RUSC1: variants seen among roughly 807,000 people sequenced by gnomAD.
RUSC1 encodes AP-4 complex accessory subunit RUSC1.
RUSC1 carries 40 observed loss-of-function variants against 72.1 expected under a neutral mutation model. The observed-to-expected ratio is 0.55, with a 90% CI of 0.43 to 0.72. The LOEUF (loss-of-function observed/expected upper bound fraction) is 0.72, where lower values mean the gene tolerates loss of function less well. Among genes scored for constraint, RUSC1 ranks in the 30% least tolerant of loss-of-function variants. The probability of loss-of-function intolerance (pLI) is 0.00; values close to 1 mark genes in which losing one functional copy is unlikely to be tolerated. For synonymous variants in RUSC1, 512 were observed against 494.2 expected, an observed-to-expected ratio of 1.04 and a Z score of -0.48; for missense variants, 1,092 against 1,172.3, an observed-to-expected ratio of 0.93 and a Z score of 1.00.
chr1:155,324,732 G>C lies in RUSC1; in HGVS notation c.1358-113G>C, dbSNP rs996263053. On this transcript the variant is annotated intron_variant, in intron 2 of 9. Coordinates refer to ENST00000368352, the MANE Select transcript of RUSC1 (RefSeq NM_001105203.2). Reference sequence around the variant, plus strand: ...GCGGTCCTGCGCCTCCTCTCCCCAAGACCCTTCGGGGACACAGCACTGCAG... The same window carrying C: ...GCGGTCCTGCGCCTCCTCTCCCCAACACCCTTCGGGGACACAGCACTGCAG... The C allele has an allele frequency of 5.0e-6, 8 of 1,585,672 alleles. No homozygotes were observed. In the Admixed American group the frequency reaches 5.1e-5, roughly 10 times the overall value.
chr1:155,330,186 A>G (rs1445772002), intron 9 of RUSC1, among the ~76,000 whole-genome samples: 1 of 152,104 alleles, frequency 6.6e-6, no homozygotes, highest in African/African-American at 2.4e-5. Context: ...AGAAGTGCAA[A>G]TAGTGTCAAA....
chr1:155,321,641 G>T, intron 1 of RUSC1, 47 bp from the exon 2 acceptor site: 1 of 1,325,346 alleles, frequency 7.5e-7, no homozygotes, highest in African/African-American at 1.5e-5. Flanking sequence ...GTCCTTCCCC[G>T]CAGCTCTTGT....
chr1:155,323,631 C>G (rs959514072), intron 2 of RUSC1: 1 of 152,794 alleles, frequency 6.5e-6, no homozygotes, highest in African/African-American at 2.4e-5. Flanking sequence ...CTCGGGGAGC[C>G]TTGCCCTGCC....
Position 155,321,899 on chromosome 1 carries a change from T to A in RUSC1, c.126T>A (p.Pro42=). The change falls in exon 2 of 10, where the codon CCT becomes CCA. Residue 42 remains proline, a synonymous_variant. Coordinates refer to ENST00000368352, the MANE Select transcript of RUSC1 (RefSeq NM_001105203.2). The stretch of plus-strand genomic sequence containing the variant: ...AGGGGCCTTTGAGCACACCCCCTCC[T>A]CCAGGAGACACTGGGGGCAAGGAGA... The part of the protein sequence containing the change: ...LQEGPLSTPP[P]PGDTGGKESR... The A allele has an allele frequency of 6.2e-7, 1 of 1,611,562 alleles. No homozygotes were observed. The highest frequency in any genetic ancestry group is 8.5e-7 in the Non-Finnish European group (1 of 1,179,086).
In RUSC1 at chr1:155,321,762, G is replaced by A. The variant is rs1650556795; in HGVS notation, c.-12G>A. On this transcript the variant is annotated 5_prime_UTR_variant, in exon 2 of 10. Transcript: ENST00000368352. ...CTGGTTCTCTAGAAGCCATCCCATC[G>A]CCGCTAGCATCATGCTGTCCCCTCA... 1 of 1,613,708 alleles carries A rather than the reference G, an allele frequency of 6.2e-7. No homozygotes were observed. Among genetic ancestry groups the A allele is most frequent in the Middle Eastern group, 1.6e-4 (1 of 6,062 alleles).
Position 155,330,690 on chromosome 1 carries a change from T to G in RUSC1, c.*119T>G. On this transcript the variant is annotated 3_prime_UTR_variant, in exon 10 of 10. Coordinates refer to ENST00000368352, the MANE Select transcript of RUSC1 (RefSeq NM_001105203.2). Reference sequence around the variant, plus strand: ...AAATGACGTTTCTTCCCACGTCTGTTTCTGCTAATATTTAAAATAAACTTT... The same window carrying G: ...AAATGACGTTTCTTCCCACGTCTGTGTCTGCTAATATTTAAAATAAACTTT... 1 of 977,230 alleles carries G rather than the reference T, an allele frequency of 1.0e-6. No homozygotes were observed. The highest frequency in any genetic ancestry group is 1.5e-6 in the Non-Finnish European group (1 of 683,148). The allele number at this position is 977,230 out of a possible 1,614,324, so 60.5% of individuals were successfully genotyped here.
At position 155,323,044 on chromosome 1, in the gene RUSC1, A is replaced by C; in HGVS notation, c.1271A>C (p.Gln424Pro). The C allele has an allele frequency of 7.4e-7, 1 of 1,354,260 alleles. No homozygotes were observed. The highest frequency in any genetic ancestry group is 9.6e-7 in the Non-Finnish European group (1 of 1,043,536). 83.9% of individuals were successfully genotyped at this position (1,354,260 alleles called of 1,614,324 possible). ...RPGLQPIAEG[Q>P]SEEGRAVSPA... ...GGACTGCAGCCCATAGCGGAGGGGC[A>C]GTCCGAGGAGGGCCGGGCTGTCAGC... Residue 424 changes from glutamine (Q) to proline (P), a missense_variant, in exon 2 of 10, where the codon CAG becomes CCG. By Grantham distance (76) the Gln-to-Pro change is moderately conservative (BLOSUM62 -1). Transcript: ENST00000368352.
chr1:155,324,691 C>A, intron 2 of RUSC1, 154 bp from the exon 3 acceptor site: 1 of 1,550,538 alleles, frequency 6.4e-7, no homozygotes, highest in Non-Finnish European at 8.7e-7. Flanking sequence ...TCGGGTCGAG[C>A]TACCCCGTGC....
Position 155,322,917 on chromosome 1 carries a change from G to A in RUSC1, c.1144G>A (p.Ala382Thr). The change falls in exon 2 of 10, where the codon GCC becomes ACC. Residue 382 changes from alanine (A) to threonine (T), a missense_variant. By Grantham distance (58) the Ala-to-Thr change is moderately conservative (BLOSUM62 0). Transcript: ENST00000368352. ...KELRSRSRAP[A>T]PPVPPRDPPV... ...ACTCCGGTCCCGAAGCCGGGCCCCAGCCCCGCCAGTCCCGCCTCGAGACCC... is the reference window on the plus strand; with the variant it reads ...ACTCCGGTCCCGAAGCCGGGCCCCAACCCCGCCAGTCCCGCCTCGAGACCC... 1 of 1,539,984 alleles carries A rather than the reference G, an allele frequency of 6.5e-7. No homozygotes were observed. The highest frequency in any genetic ancestry group is 8.7e-7 in the Non-Finnish European group (1 of 1,143,706).
rs1315288858 is a variant in RUSC1 at position 155,322,383 on chromosome 1, G to C, written c.610G>C (p.Glu204Gln). The change falls in exon 2 of 10, where the codon GAG (glutamate) becomes CAG (glutamine). Residue 204 changes from glutamate (E) to glutamine (Q), a missense_variant. Glu to Gln is a conservative substitution (Grantham distance 29). Transcript: ENST00000368352. ...CTTGGAGGAAGAGGACGAGAGGGCG[G>C]AGCAGGATCTCCCTACCTCTGAGCT... is the stretch of plus-strand genomic sequence containing the variant. ...PGLEEEDERA[E>Q]QDLPTSELLE... 1 of 1,614,036 alleles carries C rather than the reference G, an allele frequency of 6.2e-7. No individual in the cohort carries two copies. The highest frequency in any genetic ancestry group is 1.3e-5 in the African/African-American group (1 of 74,930).
intron 2 of RUSC1, chr1:155,324,553 G>C: frequency 1.9e-6 from 3 of 1,584,862 alleles, no homozygotes; most frequent in South Asian, 2.3e-5. Flanking sequence ...AGGTGAGCGC[G>C]GCCATCCCGC....
chr1:155,324,969 G>A (rs1284487148), intron 3 of RUSC1, 26 bp downstream of exon 3: 1 of 1,613,944 alleles, frequency 6.2e-7, no homozygotes, highest in African/African-American at 1.3e-5. Context: ...TCCCGACCCC[G>A]CGCTTCCGAA....
In RUSC1 at chr1:155,330,832, TCTTC is replaced by T. The variant is rs1181598933; in HGVS notation, c.*268_*271del. On this transcript the variant is annotated 3_prime_UTR_variant, in exon 10 of 10. Transcript: ENST00000368352. ...TTTTTCCCGTCTATATAAGGGAATG[TCTTC>T]CTTCCTATCTATCTGCAAAATGGAA... The T allele has an allele frequency of 1.5e-5, 5 of 344,808 alleles. No individual in the cohort carries two copies. The highest frequency in any genetic ancestry group is 1.1e-4 in the African/African-American group (5 of 46,552). The allele number at this position is 344,808 out of a possible 1,614,324, so 21.4% of individuals were successfully genotyped here. A position where few individuals can be genotyped will look rare whatever the true frequency, so the allele number is the denominator to read the frequency against.
rs200626932 is a variant in RUSC1 at position 155,322,833 on chromosome 1, C to G, written c.1060C>G (p.Pro354Ala). Reference sequence around the variant, plus strand: ...CTTCTCGCCCGACACCGAGCTCCCCCCCTCGGGGTCGCCGGGCGGCTCCTC... The same window carrying G: ...CTTCTCGCCCGACACCGAGCTCCCCGCCTCGGGGTCGCCGGGCGGCTCCTC... Reference protein sequence around the residue: ...IVFSPDTELPPSGSPGGSSAP... With the variant: ...IVFSPDTELPASGSPGGSSAP... Residue 354 changes from proline (P) to alanine (A), a missense_variant, in exon 2 of 10, where the codon CCC becomes GCC. By Grantham distance (27) the Pro-to-Ala change is conservative. Coordinates refer to ENST00000368352, the MANE Select transcript of RUSC1 (RefSeq NM_001105203.2). 431 of 1,613,266 alleles carry G rather than the reference C, an allele frequency of 2.7e-4. No individual in the cohort carries two copies. The highest frequency in any genetic ancestry group is 4.5e-4 in the East Asian group (20 of 44,878).
In RUSC1 at chr1:155,324,441, G is replaced by A. The variant is rs1294239491; in HGVS notation, c.1358-404G>A. On this transcript the variant is annotated intron_variant, in intron 2 of 9. Transcript: ENST00000368352. ...CCATGCCGCCCACGTGCTCCCCGGGGCTCCGCAGGCAGGACTGGGCCCCGG... is the reference window on the plus strand; with the variant it reads ...CCATGCCGCCCACGTGCTCCCCGGGACTCCGCAGGCAGGACTGGGCCCCGG... 3 of 1,612,800 alleles carry A rather than the reference G, an allele frequency of 1.9e-6. No homozygotes were observed. The Admixed American group carries it at 5.0e-5, about 27-fold the overall frequency.
Position 155,325,570 on chromosome 1 carries a change from C to G in RUSC1, c.1712C>G (p.Ser571Cys). The part of the protein sequence containing the change: ...SVVEASVKPG[S>C]STRSLGTLYS... ...TGACTGCACCCCACGTTCTCAGGCT[C>G]CAGCACCCGCTCCCTTGGAACCCTG... The change falls in exon 6 of 10, where the codon TCC becomes TGC. Residue 571 changes from serine (S) to cysteine (C), a missense_variant. Transcript: ENST00000368352. This position sits in a 1 kb window ranked among gnomAD's most constrained non-coding sequence, Gnocchi z 6.5. 6.2e-7 allele frequency: 1 copy of G among 1,609,878 alleles called. No homozygotes were observed. Among genetic ancestry groups the G allele is most frequent in the Non-Finnish European group, 8.5e-7 (1 of 1,179,922 alleles).
chr1:155,329,492 A>T (rs1042729895), intron 9 of RUSC1, among the ~76,000 whole-genome samples: 10 of 149,664 alleles, frequency 6.7e-5, no homozygotes, highest in Admixed American at 5.3e-4. Flanking sequence ...TCCTGGGTTC[A>T]AGTGATTCTC....
In RUSC1 at chr1:155,320,942, G is replaced by GT. The variant is rs1557986449; in HGVS notation, c.-135dup. On this transcript the variant is annotated 5_prime_UTR_variant, in exon 1 of 10. Transcript: ENST00000368352. ...CTCTGTGCCCCGCCGGGCGGGGACC[G>GT]TGGGAGCCGCGGACAAGCCCAAGGC... 6.4e-7 allele frequency: 1 copy of GT among 1,568,298 alleles called. No homozygotes were observed. The highest frequency in any genetic ancestry group is 8.7e-7 in the Non-Finnish European group (1 of 1,155,402).
Position 155,326,623 on chromosome 1 carries a change from G to A in RUSC1, c.1905G>A (p.Leu635=). 1.2e-6 allele frequency: 2 copies of A among 1,613,890 alleles called. No homozygotes were observed. The highest frequency in any genetic ancestry group is 1.7e-6 in the Non-Finnish European group (2 of 1,179,964). ...LLYLPTGFFS[L]ARGGCPSLST... ...ACCTGCCAACAGGATTTTTCTCCCT[G>A]GCCCGCGGTGGTTGTCCCTCCCTGT... Residue 635 remains leucine (L), a synonymous_variant, in exon 8 of 10, where the codon CTG becomes CTA. Transcript: ENST00000368352. This position sits in a 1 kb window ranked among gnomAD's most constrained non-coding sequence, Gnocchi z 4.7.
Sources: allele counts gnomAD v4.1 joint callset (sites outside exome capture counted in the v4.1 genomes callset), GRCh38; gene constraint gnomAD v4.1.1; non-coding constraint Gnocchi (gnomAD v3.1); transcripts MANE v1.5; gene names NCBI Gene and HGNC (gene_info 2026-07-23, HGNC 2026-07-21).